SGPL1: variants seen among roughly 807,000 people sequenced by gnomAD.
SGPL1 encodes the protein SP-lyase 1.
In SGPL1, 37 loss-of-function variants were observed where a neutral mutation model predicts 68.9. The observed-to-expected ratio is 0.54, with a 90% CI of 0.41 to 0.71. The LOEUF (loss-of-function observed/expected upper bound fraction) is 0.71. Among genes scored for constraint, SGPL1 ranks in the 30% least tolerant of loss-of-function variants. The pLI, the probability that SGPL1 is intolerant of heterozygous loss-of-function variation, is 0.00. For missense variants in SGPL1, 551 were observed against 704.6 expected, an observed-to-expected ratio of 0.78 and a Z score of 2.47; for synonymous variants, 236 against 248.5, an observed-to-expected ratio of 0.95 and a Z score of 0.47.
intron 13 of SGPL1, among the ~76,000 whole-genome samples, chr10:70,875,777 T>C (rs906919774): frequency 6.6e-6 from 1 of 152,178 alleles, no homozygotes; most frequent in African/African-American, 2.4e-5. Context: ...AGACCAGTGG[T>C]TGGTCATGAG....
At chr10:70,871,451 G>A (rs2131942733) in intron 10 of SGPL1, among the ~76,000 whole-genome samples, 1 of 152,298 alleles carries the variant, frequency 6.6e-6, no homozygotes, top group South Asian at 2.1e-4. Context: ...CCCACCAAAA[G>A]GGTGATATTC....
At position 70,859,481 on chromosome 10, in the gene SGPL1, A is replaced by T. The variant is rs1188010974; in HGVS notation, c.597A>T (p.Gly199=). 3 of 1,533,188 alleles carry T rather than the reference A, an allele frequency of 2.0e-6. No individual in the cohort carries two copies. Among genetic ancestry groups the T allele is most frequent in the Admixed American group, 1.9e-5 (1 of 52,012 alleles). The allele number at this position is 1,533,188 out of a possible 1,614,324, so 95.0% of individuals were successfully genotyped here. The part of the protein sequence containing the change: ...VRIACSLFNG[G]PDSCGCVTSG... Reference sequence around the variant, plus strand: ...TAGCTTGTTCCCTGTTCAATGGGGGACCAGATTCGTGTGGATGTGTAAGTA... The same window carrying T: ...TAGCTTGTTCCCTGTTCAATGGGGGTCCAGATTCGTGTGGATGTGTAAGTA... The change falls in exon 7 of 15, where the codon GGA becomes GGT. Residue 199 remains glycine, a synonymous_variant. Coordinates refer to ENST00000373202, the MANE Select transcript of SGPL1 (RefSeq NM_003901.4).
chr10:70,861,831 C>T (rs1846063118), intron 7 of SGPL1, among the ~76,000 whole-genome samples: 1 of 152,242 alleles, frequency 6.6e-6, no homozygotes, highest in African/African-American at 2.4e-5. Context: ...TAGTGCCGGC[C>T]TACCGGCACT....
At chr10:70,876,203 G>A (rs893017279) in intron 13 of SGPL1, among the ~76,000 whole-genome samples, 2 of 152,152 alleles carry the variant, frequency 1.3e-5, no homozygotes, top group African/African-American at 4.8e-5. Context: ...AGAGCACATG[G>A]GGGCTGATTA....
intron 2 of SGPL1, among the ~76,000 whole-genome samples, chr10:70,843,763 TA>T (rs1201156880): frequency 6.6e-6 from 1 of 152,258 alleles, no homozygotes; most frequent in Admixed American, 6.5e-5. Context: ...CAGGCATTGG[TA>T]AATTGTGGCC....
At chr10:70,867,456 G>C (rs1290885204) in intron 7 of SGPL1, among the ~76,000 whole-genome samples, 1 of 152,066 alleles carries the variant, frequency 6.6e-6, no homozygotes, top group African/African-American at 2.4e-5. Context: ...CGAGCTACTC[G>C]GGTAACTATG....
At chr10:70,848,770 C>CT (rs1026233127) in intron 3 of SGPL1, among the ~76,000 whole-genome samples, 2 of 152,014 alleles carry the variant, frequency 1.3e-5, no homozygotes, top group Non-Finnish European at 2.9e-5. Context: ...CCTCATGTAC[C>CT]TTTTTTAATG....
At chr10:70,830,639 T>C (rs1380607623) in intron 2 of SGPL1, among the ~76,000 whole-genome samples, 1 of 152,218 alleles carries the variant, frequency 6.6e-6, no homozygotes, top group Non-Finnish European at 1.5e-5. Flanking sequence ...TTTTGTAATA[T>C]CGAGGCTATT....
intron 4 of SGPL1, among the ~76,000 whole-genome samples, chr10:70,854,381 G>A (rs992486652): frequency 5.3e-5 from 8 of 151,976 alleles, no homozygotes; most frequent in African/African-American, 1.9e-4. Context: ...CACCATGTTG[G>A]CCAGGCTGGT....
At chr10:70,819,627 CTTT>C (rs35734922) in intron 2 of SGPL1, among the ~76,000 whole-genome samples, 4 of 120,918 alleles carry the variant, frequency 3.3e-5, no homozygotes, top group Non-Finnish European at 3.4e-5. Context: ...TGGGATGCAG[CTTT>C]TTTTTTTTTT....
Position 70,880,278 on chromosome 10 carries a change from C to G in SGPL1, c.*2943C>G, listed in dbSNP as rs1200385903. ...CAATGAAAGAGACACAGTTAAGCAG[C>G]AATCCATCTCATTTCCAGGCACTTC... On this transcript the variant is annotated 3_prime_UTR_variant, in exon 15 of 15. Transcript: ENST00000373202. 1 of 152,226 alleles carries G rather than the reference C, an allele frequency of 6.6e-6. No homozygotes were observed. The highest frequency in any genetic ancestry group is 1.5e-5 in the Non-Finnish European group (1 of 68,044). The allele number at this position is 152,226 out of a possible 1,614,324, so 9.4% of individuals were successfully genotyped here. A position where few individuals can be genotyped will look rare whatever the true frequency, so the allele number is the denominator to read the frequency against.
At chr10:70,849,177 A>AT (rs1343250164) in intron 3 of SGPL1, among the ~76,000 whole-genome samples, 2 of 152,132 alleles carry the variant, frequency 1.3e-5, no homozygotes, top group African/African-American at 4.8e-5. Context: ...CAGTTTGCTG[A>AT]TTTTTAGACT....
rs1259804421 is a variant in SGPL1, at chr10:70,880,932, T to C, written c.*3597T>C. On this transcript the variant is annotated 3_prime_UTR_variant, in exon 15 of 15. Coordinates refer to ENST00000373202, the MANE Select transcript of SGPL1 (RefSeq NM_003901.4). ...GCCCCTTGGCCTTCTCTGTAGGTTC[T>C]TGGCAGCAATGAGCAGCTTTCACTC... 6.6e-6 allele frequency: 1 copy of C among 152,196 alleles called. No individual in the cohort carries two copies. The highest frequency in any genetic ancestry group is 6.5e-5 in the Admixed American group (1 of 15,276). The allele number at this position is 152,196 out of a possible 1,614,324, so 9.4% of individuals were successfully genotyped here.
intron 5 of SGPL1, 81 bp downstream of exon 5, chr10:70,854,936 G>T: frequency 8.1e-7 from 1 of 1,230,524 alleles, no homozygotes. Flanking sequence ...CATAGGTTAA[G>T]AATAACTCAT....
intron 8 of SGPL1, chr10:70,869,574 C>A: frequency 2.2e-6 from 1 of 454,190 alleles, no homozygotes; most frequent in South Asian, 2.5e-5. Flanking sequence ...TTCCTATTGC[C>A]AGAATGATTT....
At chr10:70,835,455 A>T (rs1009389685) in intron 2 of SGPL1, among the ~76,000 whole-genome samples, 1 of 152,142 alleles carries the variant, frequency 6.6e-6, no homozygotes, top group Non-Finnish European at 1.5e-5. Context: ...TGCCAAGAAG[A>T]GGCCGGGTGC....
intron 7 of SGPL1, among the ~76,000 whole-genome samples, chr10:70,861,968 C>T (rs1039784134): frequency 2.1e-4 from 32 of 152,344 alleles, no homozygotes; most frequent in Admixed American, 2.0e-3. Flanking sequence ...CCTTGACGAG[C>T]GCCACTCCCT....
intron 5 of SGPL1, among the ~76,000 whole-genome samples, chr10:70,856,985 C>T (rs1845975375): frequency 6.6e-6 from 1 of 152,152 alleles, no homozygotes. Context: ...TGACTGTGTT[C>T]CTGATCTTGA....
intron 2 of SGPL1, among the ~76,000 whole-genome samples, chr10:70,820,733 C>T (rs1422845104): frequency 2.0e-5 from 3 of 151,850 alleles, no homozygotes; most frequent in African/African-American, 7.3e-5. Context: ...TGAAGCTGCA[C>T]CATTACACTC....
Sources: gnomAD v4.1 joint callset for allele counts (sites outside exome capture counted in the v4.1 genomes callset) on GRCh38, gnomAD v4.1.1 for gene constraint, MANE v1.5 for transcripts, NCBI Gene and HGNC (gene_info 2026-07-23, HGNC 2026-07-21) for gene names.